RBFOX1: variants seen among roughly 807,000 people sequenced by gnomAD.
RBFOX1 encodes the protein RNA binding fox-1 homolog 1, also known as RNA binding protein fox-1 homolog 1.
A neutral mutation model predicts 57.7 loss-of-function variants in RBFOX1; 8 were observed. That is an observed-to-expected ratio of 0.14 (90% CI 0.08 to 0.25). The LOEUF is 0.25. Ranked by LOEUF, RBFOX1 falls within the 10% of genes least tolerant of loss-of-function variation. The pLI is 1.00. For synonymous variants in RBFOX1, 326 were observed against 222.4 expected (o/e 1.47, Z -4.15); for missense variants, 611 against 548.5 (o/e 1.11, Z -1.14).
chr16:5,652,737 T>C (rs2151368616), intron 3 of RBFOX1, among the ~76,000 whole-genome samples: 1 of 152,258 alleles, frequency 6.6e-6, no homozygotes, highest in South Asian at 2.1e-4. Context: ...GAACAAAGGA[T>C]TTGAAACCAG....
intron 1 of RBFOX1, among the ~76,000 whole-genome samples, chr16:5,281,360 G>C (rs1399494296): frequency 1.3e-5 from 2 of 152,068 alleles, no homozygotes; most frequent in African/African-American, 2.4e-5. Context: ...GTCTATCCTG[G>C]AGAATGTTCC....
At chr16:6,387,750 C>G (rs1487267782) in intron 2 of RBFOX1, among the ~76,000 whole-genome samples, 1 of 152,024 alleles carries the variant, frequency 6.6e-6, no homozygotes, top group Non-Finnish European at 1.5e-5. Context: ...GCCCAGAATC[C>G]ATGCCCCTAC....
intron 3 of RBFOX1, among the ~76,000 whole-genome samples, chr16:6,819,426 A>G (rs138320958): frequency 6.6e-6 from 1 of 152,172 alleles, no homozygotes; most frequent in African/African-American, 2.4e-5. Context: ...AGAAACCAAA[A>G]GGTAGGCCGG....
At chr16:5,388,559 T>A (rs2066316333) in intron 1 of RBFOX1, among the ~76,000 whole-genome samples, 1 of 152,108 alleles carries the variant, frequency 6.6e-6, no homozygotes, top group East Asian at 2.0e-4. Flanking sequence ...AGTGTGTGTT[T>A]CTGTGTGTGT....
chr16:7,530,008 C>CAAAAAAAAAAAAAAA (rs35251344), intron 5 of RBFOX1, among the ~76,000 whole-genome samples: 9 of 125,032 alleles, frequency 7.2e-5, no homozygotes, highest in Admixed American at 1.7e-4. Flanking sequence ...GACTCCATCT[C>CAAAAAAAAAAAAAAA]AAAAAAAAAA....
At chr16:7,707,626 A>G (rs573954259) in intron 14 of RBFOX1, among the ~76,000 whole-genome samples, 2 of 152,266 alleles carry the variant, frequency 1.3e-5, no homozygotes, top group South Asian at 4.1e-4. Context: ...TCCCTTCTCC[A>G]GAAAATTGCC....
intron 3 of RBFOX1, among the ~76,000 whole-genome samples, chr16:5,727,022 G>T (rs2052177690): frequency 6.6e-6 from 1 of 152,214 alleles, no homozygotes; most frequent in African/African-American, 2.4e-5. Context: ...ACTTTGGGAG[G>T]CTGGGGCGGG....
intron 3 of RBFOX1, among the ~76,000 whole-genome samples, chr16:6,800,217 A>G (rs936721144): frequency 6.9e-6 from 1 of 145,908 alleles, no homozygotes; most frequent in African/African-American, 2.8e-5. Context: ...TTCCTGCCTC[A>G]TAACCATGTC....
intron 3 of RBFOX1, among the ~76,000 whole-genome samples, chr16:5,755,630 C>G (rs1465641699): frequency 6.6e-6 from 1 of 152,212 alleles, no homozygotes; most frequent in African/African-American, 2.4e-5. Context: ...CAGTGTTTCA[C>G]TCTTGTTGCC....
intron 1 of RBFOX1, among the ~76,000 whole-genome samples, chr16:5,396,611 C>T (rs1314155313): frequency 6.6e-6 from 1 of 152,084 alleles, no homozygotes; most frequent in African/African-American, 2.4e-5. Flanking sequence ...CATTCCACTC[C>T]AGCCTGGATG....
chr16:6,816,479 T>C (rs967262542), intron 3 of RBFOX1, among the ~76,000 whole-genome samples: 58 of 151,410 alleles, frequency 3.8e-4, no homozygotes, highest in African/African-American at 1.4e-3. Flanking sequence ...TGGTGGCTTA[T>C]GCCTGTAATC....
chr16:5,793,784 T>A (rs1217818082), intron 3 of RBFOX1, among the ~76,000 whole-genome samples: 1 of 152,214 alleles, frequency 6.6e-6, no homozygotes, highest in Non-Finnish European at 1.5e-5. Context: ...TATGTGCATG[T>A]GCATGTGTGT....
chr16:5,749,572 C>G (rs1418210772), intron 3 of RBFOX1, among the ~76,000 whole-genome samples: 2 of 152,276 alleles, frequency 1.3e-5, no homozygotes, highest in East Asian at 1.9e-4. Context: ...TTTCTTTTTA[C>G]TCTTTTTTCT....
chr16:6,036,496 T>G (rs1227077195), intron 1 of RBFOX1, among the ~76,000 whole-genome samples: 1 of 152,196 alleles, frequency 6.6e-6, no homozygotes, highest in African/African-American at 2.4e-5. Flanking sequence ...TGAACCTATA[T>G]GCAAATACCT....
At chr16:6,867,718 AAG>A (rs2060185652) in intron 3 of RBFOX1, among the ~76,000 whole-genome samples, 1 of 152,150 alleles carries the variant, frequency 6.6e-6, no homozygotes, top group African/African-American at 2.4e-5. Flanking sequence ...GAAGGACAAA[AAG>A]AAAGGGATCC....
intron 1 of RBFOX1, among the ~76,000 whole-genome samples, chr16:5,452,559 T>A (rs1266498362): frequency 6.6e-6 from 1 of 152,114 alleles, no homozygotes; most frequent in Non-Finnish European, 1.5e-5. Flanking sequence ...TTCCCATTTG[T>A]TCCTCTGCCT....
chr16:5,678,961 T>G (rs1434738635), intron 3 of RBFOX1, among the ~76,000 whole-genome samples: 8 of 152,322 alleles, frequency 5.3e-5, no homozygotes, highest in African/African-American at 1.9e-4. Flanking sequence ...CCTCAGTGAT[T>G]GGGGCTACAT....
intron 1 of RBFOX1, among the ~76,000 whole-genome samples, chr16:5,455,025 C>CTTTCTTTCTTTCTTTCTTTCTT (rs1178366526): frequency 1.1e-4 from 9 of 79,472 alleles, no homozygotes; most frequent in Admixed American, 4.5e-4. Flanking sequence ...CTTTCTTTCT[C>CTTTCTTTCTTTCTTTCTTTCTT]TCTCTCTGTC....
rs548074469 is a variant in RBFOX1 at position 7,217,867 on chromosome 16, C to T, written c.27+165769C>T. Among the ~76,000 whole-genome samples, 12 of 151,928 alleles carry T rather than the reference C, an allele frequency of 7.9e-5. No homozygotes were observed. The South Asian group carries it at 2.3e-3, about 29-fold the overall frequency. ...CTGCATGTGTGTGGGCATGTGTGTA[C>T]ACGCGTGTGTGCATGTGTGTGCATG... On this transcript the variant is annotated intron_variant, in intron 4 of 15. Transcript: ENST00000550418.
Sources: allele counts gnomAD v4.1 joint callset (sites outside exome capture counted in the v4.1 genomes callset), GRCh38; gene constraint gnomAD v4.1.1; transcripts MANE v1.5; gene names NCBI Gene and HGNC (gene_info 2026-07-23, HGNC 2026-07-21).